The following PACRG variants were observed in gnomAD, a reference collection of about 807,000 sequenced individuals.
PACRG encodes parkin coregulated.
Under a neutral mutation model 29.7 loss-of-function variants are expected in PACRG, and 29 were observed. That is an observed-to-expected ratio of 0.98 (90% CI 0.73 to 1.33). PACRG has a LOEUF of 1.33. Among genes scored for constraint, PACRG ranks in the 40% most tolerant of loss-of-function variants. PACRG has a pLI of 0.00. For synonymous variants in PACRG, 116 were observed against 118.7 expected (o/e 0.98, Z 0.15); for missense variants, 279 against 316.2 (o/e 0.88, Z 0.89).
intron 2 of PACRG, among the ~76,000 whole-genome samples, chr6:162,912,827 C>T (rs906462602): frequency 4.0e-5 from 6 of 151,766 alleles, no homozygotes. Context: ...GCCTCGGCTT[C>T]CCAAAGTGCT....
At chr6:162,921,792 G>T (rs188750512) in intron 2 of PACRG, among the ~76,000 whole-genome samples, 16 of 152,266 alleles carry the variant, frequency 1.1e-4, no homozygotes, top group African/African-American at 3.9e-4. Context: ...AAAGAAGTCT[G>T]CCAAGTGACT....
At chr6:162,797,668 T>G (rs148791973) in intron 1 of PACRG, among the ~76,000 whole-genome samples, 1 of 152,328 alleles carries the variant, frequency 6.6e-6, no homozygotes, top group African/African-American at 2.4e-5. Flanking sequence ...CTCATTGTTT[T>G]GAATTTTTTT....
intron 2 of PACRG, among the ~76,000 whole-genome samples, chr6:162,877,754 T>A (rs56064725): frequency 0.11 from 16,381 of 152,174 alleles, 1,238 homozygotes; most frequent in African/African-American, 0.21. Flanking sequence ...AGTGCAACGT[T>A]CCTTGGTTCA....
chr6:163,060,378 C>G (rs1219239594), intron 2 of PACRG, among the ~76,000 whole-genome samples: 1 of 151,694 alleles, frequency 6.6e-6, no homozygotes, highest in Non-Finnish European at 1.5e-5. Flanking sequence ...GCCTTTAGGA[C>G]CTAAGAAAAA....
intron 2 of PACRG, among the ~76,000 whole-genome samples, chr6:162,830,484 G>C (rs949695243): frequency 6.6e-6 from 1 of 152,144 alleles, no homozygotes. Context: ...GCTGTGCTCC[G>C]ATATATCAAA....
chr6:162,944,525 A>T (rs987615949), intron 2 of PACRG, among the ~76,000 whole-genome samples: 1 of 152,210 alleles, frequency 6.6e-6, no homozygotes, highest in Non-Finnish European at 1.5e-5. Flanking sequence ...AGTTATTTGA[A>T]AGGAATTCTG....
chr6:163,239,632 C>T (rs1782381986), intron 4 of PACRG, among the ~76,000 whole-genome samples: 6 of 151,382 alleles, frequency 4.0e-5, no homozygotes, highest in Admixed American at 4.0e-4. Context: ...GCCCCTCCTG[C>T]TCCCACGGCT....
At chr6:163,139,391 G>GTACATTTGTACCTAATAAGC (rs1817065221) in intron 4 of PACRG, among the ~76,000 whole-genome samples, 1 of 152,180 alleles carries the variant, frequency 6.6e-6, no homozygotes, top group African/African-American at 2.4e-5. Flanking sequence ...TCCTAATAAG[G>GTACATTTGTACCTAATAAGC]TACATTTATA....
At chr6:163,080,264 C>A (rs955931367) in intron 3 of PACRG, among the ~76,000 whole-genome samples, 1 of 152,078 alleles carries the variant, frequency 6.6e-6, no homozygotes, top group African/African-American at 2.4e-5. Flanking sequence ...GAAAATGGTG[C>A]TAACTCCTTC....
chr6:163,016,087 G>A (rs1430999107), intron 2 of PACRG: 1 of 152,136 alleles, frequency 6.6e-6, no homozygotes, highest in South Asian at 2.1e-4. Context: ...CAGGCATTAG[G>A]TGATAATCTA....
At chr6:163,161,215 CT>C (rs1254460070) in intron 4 of PACRG, among the ~76,000 whole-genome samples, 1 of 152,160 alleles carries the variant, frequency 6.6e-6, no homozygotes, top group African/African-American at 2.4e-5. Context: ...GTCTTACCTA[CT>C]GTCTCCACTT....
At chr6:162,820,262 C>T (rs1187413748) in intron 2 of PACRG, among the ~76,000 whole-genome samples, 1 of 152,168 alleles carries the variant, frequency 6.6e-6, no homozygotes, top group Non-Finnish European at 1.5e-5. Context: ...TGTTGACTGA[C>T]AATTCCATTC....
intron 2 of PACRG, among the ~76,000 whole-genome samples, chr6:162,946,334 C>T (rs1799005722): frequency 6.6e-6 from 1 of 151,778 alleles, no homozygotes; most frequent in South Asian, 2.1e-4. Flanking sequence ...CACCAAAATG[C>T]AAAAGATCAT....
chr6:162,988,058 A>G (rs1050978319), intron 2 of PACRG, among the ~76,000 whole-genome samples: 1 of 152,228 alleles, frequency 6.6e-6, no homozygotes, highest in African/African-American at 2.4e-5. Flanking sequence ...TTGCAGTGGC[A>G]TGCCATTTCT....
chr6:163,243,220 C>T (rs560567565), intron 4 of PACRG, among the ~76,000 whole-genome samples: 20 of 152,264 alleles, frequency 1.3e-4, no homozygotes, highest in South Asian at 1.2e-3. Flanking sequence ...ACAAATGTCC[C>T]GAACACCCAA....
chr6:163,012,392 C>T (rs1290216073), intron 2 of PACRG, among the ~76,000 whole-genome samples: 2 of 152,074 alleles, frequency 1.3e-5, no homozygotes, highest in African/African-American at 4.8e-5. Context: ...GGAAAAGTGA[C>T]CTGAACAGCC....
At chr6:163,025,273 T>C (rs958079151) in intron 2 of PACRG, among the ~76,000 whole-genome samples, 7 of 152,114 alleles carry the variant, frequency 4.6e-5, no homozygotes, top group African/African-American at 1.7e-4. Context: ...GCCATCCAAA[T>C]AGGAAAAGAA....
chr6:163,053,822 C>G (rs953465652), intron 2 of PACRG: 1 of 152,176 alleles, frequency 6.6e-6, no homozygotes, highest in African/African-American at 2.4e-5. Flanking sequence ...CACTCATCAT[C>G]TGGTCATTGT....
At chr6:163,292,292 A>G (rs1288563553) in intron 4 of PACRG, among the ~76,000 whole-genome samples, 5 of 152,246 alleles carry the variant, frequency 3.3e-5, no homozygotes, top group Admixed American at 6.5e-5. Flanking sequence ...TTGGTAGCGT[A>G]ATCCAGTGTC....
Sources: gnomAD v4.1 joint callset for allele counts (sites outside exome capture counted in the v4.1 genomes callset) on GRCh38, gnomAD v4.1.1 for gene constraint, MANE v1.5 for transcripts, NCBI Gene and HGNC (gene_info 2026-07-23, HGNC 2026-07-21) for gene names.